MARCHF1: variants seen among roughly 807,000 people sequenced by gnomAD.
MARCHF1 encodes the protein membrane associated ring-CH-type finger 1.
A neutral mutation model predicts 54.2 loss-of-function variants in MARCHF1; 40 were observed. The ratio of observed to expected loss-of-function variants is 0.74; its 90% confidence interval spans 0.57 to 0.96. The LOEUF (loss-of-function observed/expected upper bound fraction) is 0.96. Among genes scored for constraint, MARCHF1 ranks in the 40% least tolerant of loss-of-function variants. The probability of loss-of-function intolerance (pLI) is 0.00; values close to 1 mark genes in which losing one functional copy is unlikely to be tolerated. For synonymous variants in MARCHF1, 236 were observed against 236.3 expected (o/e 1.00, Z 0.01); for missense variants, 586 against 656.5 (o/e 0.89, Z 1.17).
At chr4:163,668,862 CAAAG>C (rs966551936) in intron 5 of MARCHF1, among the ~76,000 whole-genome samples, 3 of 152,192 alleles carry the variant, frequency 2.0e-5, no homozygotes, top group South Asian at 2.1e-4. Context: ...GTAGAGGAGT[CAAAG>C]AAGTCATTAT....
intron 3 of MARCHF1, among the ~76,000 whole-genome samples, chr4:163,896,124 T>C (rs1750800656): frequency 6.6e-6 from 1 of 152,218 alleles, no homozygotes. Flanking sequence ...TTTTGCCTTC[T>C]GTTGAATTTA....
intron 4 of MARCHF1, among the ~76,000 whole-genome samples, chr4:163,702,728 CTGAT>C (rs1252177283): frequency 6.6e-6 from 1 of 152,172 alleles, no homozygotes; most frequent in Admixed American, 6.6e-5. Flanking sequence ...GGAAAAGCAT[CTGAT>C]TGATTATTTA....
intron 5 of MARCHF1, among the ~76,000 whole-genome samples, chr4:163,621,211 C>A (rs1192894161): frequency 6.6e-6 from 1 of 151,922 alleles, no homozygotes; most frequent in Non-Finnish European, 1.5e-5. Flanking sequence ...TTTTTTCTCC[C>A]CACACATGAA....
intron 5 of MARCHF1, among the ~76,000 whole-genome samples, chr4:163,630,026 C>T (rs550744185): frequency 9.2e-5 from 14 of 152,226 alleles, no homozygotes; most frequent in South Asian, 6.2e-4. Flanking sequence ...GAAATAATTT[C>T]GCAGTTTCAT....
At chr4:164,231,259 C>A (rs182784443) in intron 1 of MARCHF1, among the ~76,000 whole-genome samples, 3 of 152,224 alleles carry the variant, frequency 2.0e-5, no homozygotes, top group Admixed American at 6.5e-5. Flanking sequence ...GTACATGTCA[C>A]CCCATCTGAC....
chr4:164,173,970 G>A (rs1335324990), intron 1 of MARCHF1, among the ~76,000 whole-genome samples: 2 of 152,146 alleles, frequency 1.3e-5, no homozygotes. Flanking sequence ...AGAAAGAATA[G>A]CCAGGGAGGT....
chr4:163,968,517 A>G (rs10517794), intron 3 of MARCHF1, among the ~76,000 whole-genome samples: 80,665 of 151,948 alleles, frequency 0.53, 22,936 homozygotes, highest in Middle Eastern at 0.68. Flanking sequence ...CTGTCTTCAA[A>G]TAATATTTAC....
intron 1 of MARCHF1, among the ~76,000 whole-genome samples, chr4:164,267,815 T>C (rs1471129333): frequency 6.6e-6 from 1 of 152,134 alleles, no homozygotes; most frequent in Non-Finnish European, 1.5e-5. Context: ...TAAATTTCCC[T>C]ACGGTCTCAG....
At chr4:164,344,464 G>C (rs555749710) in intron 1 of MARCHF1, among the ~76,000 whole-genome samples, 8 of 146,852 alleles carry the variant, frequency 5.4e-5, no homozygotes, top group Non-Finnish European at 1.0e-4. Context: ...GTGTTTGTGT[G>C]TGTGTGTGTG....
intron 1 of MARCHF1, among the ~76,000 whole-genome samples, chr4:164,368,096 T>C (rs923365816): frequency 6.8e-6 from 1 of 146,428 alleles, no homozygotes; most frequent in African/African-American, 2.5e-5. Context: ...AATAGAAAAA[T>C]ATCACTGAAT....
chr4:164,169,230 T>C (rs1234583127), intron 1 of MARCHF1, among the ~76,000 whole-genome samples: 1 of 152,094 alleles, frequency 6.6e-6, no homozygotes, highest in Non-Finnish European at 1.5e-5. Flanking sequence ...TAAAGTAAAC[T>C]TAAAACATCA....
intron 1 of MARCHF1, among the ~76,000 whole-genome samples, chr4:164,297,187 T>G (rs1351663669): frequency 6.6e-6 from 1 of 152,138 alleles, no homozygotes; most frequent in Non-Finnish European, 1.5e-5. Flanking sequence ...TAAGGAAAAT[T>G]TATCCACATA....
chr4:164,310,264 G>C (rs960620021), intron 1 of MARCHF1, among the ~76,000 whole-genome samples: 4 of 151,854 alleles, frequency 2.6e-5, no homozygotes, highest in African/African-American at 9.7e-5. Context: ...TTTTAGTAGA[G>C]ACAGGGTTTC....
At chr4:164,124,461 A>G (rs955400563) in intron 1 of MARCHF1, among the ~76,000 whole-genome samples, 1 of 152,190 alleles carries the variant, frequency 6.6e-6, no homozygotes, top group Non-Finnish European at 1.5e-5. Flanking sequence ...CAGCATGTGG[A>G]AGAGATATCT....
At chr4:163,973,660 C>A (rs1307020498) in intron 3 of MARCHF1, among the ~76,000 whole-genome samples, 1 of 152,062 alleles carries the variant, frequency 6.6e-6, no homozygotes, top group Non-Finnish European at 1.5e-5. Flanking sequence ...TAGAATAAAT[C>A]CAAGGCAAAA....
At chr4:164,050,789 C>T (rs539743397) in intron 2 of MARCHF1, among the ~76,000 whole-genome samples, 29 of 152,152 alleles carry the variant, frequency 1.9e-4, no homozygotes, top group South Asian at 4.1e-4. Flanking sequence ...AAAAATTAGA[C>T]GGGCGTGGTG....
intron 3 of MARCHF1, among the ~76,000 whole-genome samples, chr4:163,929,280 GTCTT>G (rs1056769946): frequency 2.6e-5 from 4 of 151,844 alleles, no homozygotes; most frequent in African/African-American, 9.7e-5. Context: ...ACCCTCCTAA[GTCTT>G]TCAACAGTAA....
chr4:163,690,247 A>G (rs1744405321), intron 5 of MARCHF1, among the ~76,000 whole-genome samples: 1 of 152,212 alleles, frequency 6.6e-6, no homozygotes, highest in Admixed American at 6.5e-5. Flanking sequence ...TTCAATTAAA[A>G]TTGCTTTGAC....
At chr4:164,278,523 A>T (rs1376187325) in intron 1 of MARCHF1, among the ~76,000 whole-genome samples, 1 of 152,212 alleles carries the variant, frequency 6.6e-6, no homozygotes, top group Admixed American at 6.5e-5. Context: ...GTTAAATGGT[A>T]TAATGTTAGC....
Sources: allele counts gnomAD v4.1 joint callset (sites outside exome capture counted in the v4.1 genomes callset), GRCh38; gene constraint gnomAD v4.1.1; transcripts MANE v1.5; gene names NCBI Gene and HGNC (gene_info 2026-07-23, HGNC 2026-07-21).